ST7: variants seen among roughly 807,000 people sequenced by gnomAD.
The protein encoded by ST7 is suppressor of tumorigenicity 7 protein.
A neutral mutation model predicts 78.7 loss-of-function variants in ST7; 28 were observed. The observed-to-expected ratio is 0.36, with a 90% CI of 0.26 to 0.49. The LOEUF is 0.49. Among genes scored for constraint, ST7 ranks in the 20% least tolerant of loss-of-function variants. The pLI, the probability that ST7 is intolerant of heterozygous loss-of-function variation, is 0.99. For synonymous variants in ST7, 247 were observed against 249.6 expected (o/e 0.99, Z 0.10); for missense variants, 418 against 696.0 (o/e 0.60, Z 4.49).
At chr7:117,229,141 G>T (rs773537479) in intron 15 of ST7, among the ~76,000 whole-genome samples, 3 of 152,306 alleles carry the variant, frequency 2.0e-5, no homozygotes, top group Middle Eastern at 3.4e-3. Flanking sequence ...AAATGAAAGA[G>T]TTCCCAGAGG....
At position 117,051,211 on chromosome 7, in the gene ST7, G is replaced by A. The variant is rs548644325; in HGVS notation, c.152-48551G>A. On this transcript the variant is annotated intron_variant, in intron 1 of 15. Transcript: ENST00000323984. ...AGATGGAAATGGTCCCTTCTGTCAT[G>A]GAACTCATAGTTTAATGGATATAGC... Among the ~76,000 whole-genome samples the A allele has an allele frequency of 3.3e-5, 5 of 152,298 alleles. No homozygotes were observed. The South Asian group carries it at 1.0e-3, about 32-fold the overall frequency.
At chr7:117,226,972 T>C (rs1793487631) in intron 15 of ST7, among the ~76,000 whole-genome samples, 1 of 152,222 alleles carries the variant, frequency 6.6e-6, no homozygotes, top group Admixed American at 6.5e-5. Flanking sequence ...AGTACTTTGC[T>C]GTGCAGCATG....
At chr7:117,153,534 G>A (rs1403963022) in intron 9 of ST7, among the ~76,000 whole-genome samples, 1 of 152,138 alleles carries the variant, frequency 6.6e-6, no homozygotes, top group Non-Finnish European at 1.5e-5. Flanking sequence ...AAAAGTTTAG[G>A]ACACTGTTGT....
intron 1 of ST7, chr7:117,020,668 C>G: frequency 6.5e-7 from 1 of 1,550,280 alleles, no homozygotes; most frequent in Non-Finnish European, 8.7e-7. Context: ...ATTTAGAAAT[C>G]TGCTTGCTGT....
chr7:117,170,287 A>T (rs1441948796), intron 9 of ST7, among the ~76,000 whole-genome samples: 3 of 152,194 alleles, frequency 2.0e-5, no homozygotes, highest in African/African-American at 7.2e-5. Context: ...TTACCAGAAA[A>T]ATAAGAAGCA....
rs774606952 is a variant in ST7, at chr7:117,099,778, C to T, written c.168C>T (p.Asn56=). 2 of 1,612,938 alleles carry T rather than the reference C, an allele frequency of 1.2e-6. No individual in the cohort carries two copies. Among genetic ancestry groups the T allele is most frequent in the Admixed American group, 1.7e-5 (1 of 59,836 alleles). The part of the protein sequence containing the change: ...DNLSTVSMFL[N]TLTPKFYVAL... The stretch of plus-strand genomic sequence containing the variant: ...CTTTTTCAGTGAGCATGTTTTTGAA[C>T]ACATTAACACCGAAGTTCTACGTGG... Residue 56 remains asparagine (N), a synonymous_variant, in exon 2 of 16, where the codon AAC becomes AAT. Coordinates refer to ENST00000323984, the MANE Select transcript of ST7 (RefSeq NM_001369598.1).
chr7:117,040,279 G>A (rs1483071751), intron 1 of ST7, among the ~76,000 whole-genome samples: 2 of 152,084 alleles, frequency 1.3e-5, no homozygotes, highest in East Asian at 3.9e-4. Flanking sequence ...GGCTGAGGCA[G>A]GAGAATTGCT....
At chr7:117,066,987 T>A (rs1336520039) in intron 1 of ST7, among the ~76,000 whole-genome samples, 2 of 152,156 alleles carry the variant, frequency 1.3e-5, no homozygotes, top group Non-Finnish European at 2.9e-5. Flanking sequence ...TTTATATAAA[T>A]GGAAGTATAA....
chr7:117,014,523 A>G (rs1256015072), intron 1 of ST7, among the ~76,000 whole-genome samples: 1 of 152,226 alleles, frequency 6.6e-6, no homozygotes, highest in Non-Finnish European at 1.5e-5. Context: ...AAATGGATAA[A>G]ATATGCATAT....
At chr7:117,045,790 AT>A (rs1361255395) in intron 1 of ST7, among the ~76,000 whole-genome samples, 2 of 152,186 alleles carry the variant, frequency 1.3e-5, no homozygotes, top group African/African-American at 4.8e-5. Context: ...GAATGAATAA[AT>A]TTACTCACAA....
chr7:117,107,225 AC>A (rs1219969752), intron 2 of ST7, among the ~76,000 whole-genome samples: 1 of 152,214 alleles, frequency 6.6e-6, no homozygotes, highest in African/African-American at 2.4e-5. Flanking sequence ...GCTGCTATAA[AC>A]ATGCGTGTAC....
chr7:117,075,625 C>A (rs928034644), intron 1 of ST7, among the ~76,000 whole-genome samples: 1 of 152,146 alleles, frequency 6.6e-6, no homozygotes, highest in South Asian at 2.1e-4. Context: ...CTGTGTGAGG[C>A]CTGAACCAGT....
At chr7:117,055,791 C>T (rs1798032325) in intron 1 of ST7, among the ~76,000 whole-genome samples, 1 of 152,064 alleles carries the variant, frequency 6.6e-6, no homozygotes, top group South Asian at 2.1e-4. Context: ...GCTTAATTAA[C>T]CAGGTGTATT....
At chr7:116,959,325 C>G (rs1292917566) in intron 1 of ST7, 1 of 465,172 alleles carries the variant, frequency 2.1e-6, no homozygotes, top group East Asian at 7.0e-5. Flanking sequence ...GGCATGCCTG[C>G]AGTTACTTTA....
At chr7:116,997,736 T>C (rs928020822) in intron 1 of ST7, among the ~76,000 whole-genome samples, 1 of 152,196 alleles carries the variant, frequency 6.6e-6, no homozygotes, top group African/African-American at 2.4e-5. Context: ...AGAGTGCTGA[T>C]TGGTGTATTT....
At chr7:117,047,083 C>G (rs558370533) in intron 1 of ST7, among the ~76,000 whole-genome samples, 2 of 152,078 alleles carry the variant, frequency 1.3e-5, no homozygotes, top group African/African-American at 4.8e-5. Flanking sequence ...ACTACATGGT[C>G]TTGGATCTAA....
chr7:117,027,463 A>AAAAGTAAAAGTAAAAGT (rs1554427204), intron 1 of ST7, among the ~76,000 whole-genome samples: 6 of 140,682 alleles, frequency 4.3e-5, no homozygotes, highest in African/African-American at 1.7e-4. Context: ...AAAGTAAAGT[A>AAAAGTAAAAGTAAAAGT]AAAGTAAAGT....
chr7:117,136,335 CAA>C (rs767127433), intron 8 of ST7, 100 bp downstream of exon 8: 20 of 1,421,508 alleles, frequency 1.4e-5, no homozygotes, highest in Non-Finnish European at 1.9e-5. Context: ...TTCTCCTAGA[CAA>C]GAGAAAATAT....
chr7:117,099,876 A>G (rs1801433479), intron 2 of ST7, 32 bp downstream of exon 2: 1 of 1,548,398 alleles, frequency 6.5e-7, no homozygotes, highest in African/African-American at 1.4e-5. Flanking sequence ...ATTTAAAAAC[A>G]TGCTGATTAG....
Sources: allele counts gnomAD v4.1 joint callset (sites outside exome capture counted in the v4.1 genomes callset), GRCh38; gene constraint gnomAD v4.1.1; transcripts MANE v1.5; gene names NCBI Gene and HGNC (gene_info 2026-07-23, HGNC 2026-07-21).